SBF2: variants seen among roughly 807,000 people sequenced by gnomAD.
The protein encoded by SBF2 is SET binding factor 2, also known as myotubularin-related protein 13.
SBF2 carries 112 observed loss-of-function variants against 225.2 expected under a neutral mutation model. That is an observed-to-expected ratio of 0.50 (90% CI 0.43 to 0.58). The LOEUF (loss-of-function observed/expected upper bound fraction) is 0.58. Ranked by LOEUF, SBF2 falls within the 20% of genes least tolerant of loss-of-function variation. The probability of loss-of-function intolerance (pLI) is 0.00; values close to 1 mark genes in which losing one functional copy is unlikely to be tolerated. For synonymous variants in SBF2, 763 were observed against 773.3 expected, an observed-to-expected ratio of 0.99 and a Z score of 0.22; for missense variants, 1,996 against 2,206.2, an observed-to-expected ratio of 0.90 and a Z score of 1.91.
At chr11:9,888,238 C>T (rs891065976) in intron 17 of SBF2, among the ~76,000 whole-genome samples, 1 of 152,118 alleles carries the variant, frequency 6.6e-6, no homozygotes, top group African/African-American at 2.4e-5. Context: ...TGGTTCATAC[C>T]TATAACTCCA....
chr11:9,879,960 G>A (rs576143677), intron 17 of SBF2, among the ~76,000 whole-genome samples: 120 of 151,752 alleles, frequency 7.9e-4, no homozygotes, highest in African/African-American at 2.6e-3. Flanking sequence ...GGTGCACACC[G>A]GTATTCCCAG....
intron 17 of SBF2, among the ~76,000 whole-genome samples, chr11:9,882,569 GA>G (rs1859870834): frequency 6.6e-6 from 1 of 152,108 alleles, no homozygotes; most frequent in Non-Finnish European, 1.5e-5. Flanking sequence ...AGCACTTTGG[GA>G]GGCCAAGGCG....
At chr11:10,269,116 A>G (rs1378083655) in intron 1 of SBF2, among the ~76,000 whole-genome samples, 1 of 152,232 alleles carries the variant, frequency 6.6e-6, no homozygotes, top group Admixed American at 6.5e-5. Flanking sequence ...ATATACCTCA[A>G]AACTATTCAA....
At chr11:9,825,311 C>G (rs539857733) in intron 28 of SBF2, among the ~76,000 whole-genome samples, 3 of 152,296 alleles carry the variant, frequency 2.0e-5, no homozygotes, top group African/African-American at 7.2e-5. Context: ...CAGCAAACCT[C>G]CAGAAGCTAG....
intron 16 of SBF2, among the ~76,000 whole-genome samples, chr11:9,899,338 T>A (rs1285202881): frequency 1.2e-4 from 17 of 138,250 alleles, no homozygotes; most frequent in East Asian, 2.1e-4. Context: ...TACAAAAAAT[T>A]AAAAAAAAAA....
At chr11:9,785,363 A>T in intron 36 of SBF2, 45 bp from the exon 37 acceptor site, 1 of 1,339,428 alleles carries the variant, frequency 7.5e-7, no homozygotes, top group Non-Finnish European at 1.1e-6. Flanking sequence ...ACAGACACTT[A>T]AACTACTGAC....
chr11:10,037,753 G>A (rs1949500366), intron 3 of SBF2, among the ~76,000 whole-genome samples: 1 of 148,486 alleles, frequency 6.7e-6, no homozygotes, highest in African/African-American at 2.5e-5. Flanking sequence ...AGTTTACTAT[G>A]ATAAAGAGCG....
In SBF2 at chr11:9,817,044, G is replaced by A. The variant is rs116966215; in HGVS notation, c.3794-20C>T. 0.025 allele frequency: 41,016 copies of A among 1,613,360 alleles called. 665 individuals are homozygous for A. The highest frequency in any genetic ancestry group is 0.031 in the Non-Finnish European group (36,614 of 1,179,652). On this transcript the variant is annotated intron_variant, in intron 28 of 39. Coordinates refer to ENST00000256190, the MANE Select transcript of SBF2 (RefSeq NM_030962.4). ...ACACACCTTCACAAAAGCCAAAGTC[G>A]TGGAGTGAGATAATCTAATGTGGGA...
chr11:10,211,144 C>A (rs1162989938), intron 1 of SBF2, among the ~76,000 whole-genome samples: 4 of 151,380 alleles, frequency 2.6e-5, no homozygotes, highest in Non-Finnish European at 5.9e-5. Context: ...ATGCTCATGT[C>A]ACTGGTATCC....
At chr11:10,131,158 G>C (rs530172609) in intron 2 of SBF2, among the ~76,000 whole-genome samples, 3 of 152,012 alleles carry the variant, frequency 2.0e-5, no homozygotes, top group Non-Finnish European at 4.4e-5. Flanking sequence ...CAATGTGTGA[G>C]AGACTGTATT....
chr11:10,119,115 A>C (rs778161558), intron 2 of SBF2, among the ~76,000 whole-genome samples: 1 of 152,118 alleles, frequency 6.6e-6, no homozygotes, highest in Non-Finnish European at 1.5e-5. Context: ...TTAAGGTGGA[A>C]ATTCCATACT....
At position 10,161,783 on chromosome 11, in the gene SBF2, T is replaced by C. The variant is rs185703147; in HGVS notation, c.141+32119A>G. On this transcript the variant is annotated intron_variant, in intron 2 of 39. Transcript: ENST00000256190. Reference sequence around the variant, plus strand: ...GAGCTCAAGACCAGCCCAGGCAACATAGCAAGACCTCCTTCTCTACAAAAA... The same window carrying C: ...GAGCTCAAGACCAGCCCAGGCAACACAGCAAGACCTCCTTCTCTACAAAAA... 1.1e-3 allele frequency among the ~76,000 whole-genome samples: 153 copies of C among 142,520 alleles called. 2 individuals are homozygous for C. Among genetic ancestry groups the C allele is most frequent in the African/African-American group, 3.5e-3 (131 of 37,880 alleles). 93.5% of individuals were successfully genotyped at this position (142,520 alleles called of 152,430 possible). A position where few individuals can be genotyped will look rare whatever the true frequency, so the allele number is the denominator to read the frequency against.
intron 1 of SBF2, among the ~76,000 whole-genome samples, chr11:10,217,213 G>A (rs147365683): frequency 1.5e-3 from 227 of 152,202 alleles, no homozygotes; most frequent in African/African-American, 5.3e-3. Flanking sequence ...CCTTCATATT[G>A]GAGAACTAAT....
intron 2 of SBF2, among the ~76,000 whole-genome samples, chr11:10,132,589 G>C (rs1199656359): frequency 6.7e-6 from 1 of 148,768 alleles, no homozygotes; most frequent in African/African-American, 2.5e-5. Context: ...GTCTCGCTGG[G>C]CTCAGGAGTG....
intron 2 of SBF2, among the ~76,000 whole-genome samples, chr11:10,187,999 A>C (rs556077907): frequency 4.6e-5 from 7 of 152,342 alleles, no homozygotes; most frequent in African/African-American, 1.7e-4. Context: ...TGATCATCTA[A>C]TAACATCCCT....
At chr11:10,282,403 C>CTGACAATTGCCA (rs1269387048) in intron 1 of SBF2, among the ~76,000 whole-genome samples, 4 of 152,116 alleles carry the variant, frequency 2.6e-5, no homozygotes, top group African/African-American at 9.7e-5. Context: ...CAGCTGGCTA[C>CTGACAATTGCCA]TGACAATTGC....
chr11:10,301,732 C>G (rs1178869811), intron 1 of SBF2, among the ~76,000 whole-genome samples: 1 of 152,176 alleles, frequency 6.6e-6, no homozygotes, highest in African/African-American at 2.4e-5. Context: ...AGCTGAGAAA[C>G]CACTACCACA....
chr11:10,197,635 ACTTT>A (rs1957426811), intron 1 of SBF2, among the ~76,000 whole-genome samples: 1 of 152,222 alleles, frequency 6.6e-6, no homozygotes, highest in Non-Finnish European at 1.5e-5. Context: ...ATCGATTGAC[ACTTT>A]CTTTCACAAA....
At chr11:10,110,129 C>A (rs1372365329) in intron 2 of SBF2, among the ~76,000 whole-genome samples, 2 of 152,182 alleles carry the variant, frequency 1.3e-5, no homozygotes, top group Non-Finnish European at 2.9e-5. Context: ...TAAAACATTT[C>A]TTCACTGCCT....
Sources: gnomAD v4.1 joint callset for allele counts (sites outside exome capture counted in the v4.1 genomes callset) on GRCh38, gnomAD v4.1.1 for gene constraint, MANE v1.5 for transcripts, NCBI Gene and HGNC (gene_info 2026-07-23, HGNC 2026-07-21) for gene names.